MTUS2: variants seen among roughly 807,000 people sequenced by gnomAD.
MTUS2 encodes the protein microtubule associated scaffold protein 2, also known as microtubule-associated tumor suppressor candidate 2.
In MTUS2, 40 loss-of-function variants were observed where a neutral mutation model predicts 114.1. The observed-to-expected ratio is 0.35, with a 90% CI of 0.27 to 0.46. MTUS2 has a LOEUF of 0.46. Among genes scored for constraint, MTUS2 ranks in the 20% least tolerant of loss-of-function variants. The pLI is 1.00. For missense variants in MTUS2, 1,679 were observed against 1,705.4 expected (o/e 0.98, Z 0.27); for synonymous variants, 688 against 672.0 (o/e 1.02, Z -0.37).
intron 2 of MTUS2, among the ~76,000 whole-genome samples, chr13:28,919,871 A>G (rs762748094): frequency 5.9e-5 from 9 of 152,132 alleles, no homozygotes; most frequent in Admixed American, 4.6e-4. Context: ...GTACTCTTCA[A>G]TATGTCAATT....
At chr13:29,028,946 G>A (rs1201351771) in intron 3 of MTUS2, among the ~76,000 whole-genome samples, 3 of 152,108 alleles carry the variant, frequency 2.0e-5, no homozygotes, top group Admixed American at 6.5e-5. Flanking sequence ...CTCTAGCTTG[G>A]TTAGATATAT....
intron 5 of MTUS2, among the ~76,000 whole-genome samples, chr13:29,218,710 T>C (rs531835965): frequency 1.6e-4 from 25 of 152,326 alleles, no homozygotes; most frequent in African/African-American, 6.0e-4. Flanking sequence ...AGTGACCAGG[T>C]GCATTGTCAA....
intron 5 of MTUS2, among the ~76,000 whole-genome samples, chr13:29,229,968 C>T (rs948965587): frequency 8.5e-5 from 13 of 152,254 alleles, no homozygotes; most frequent in East Asian, 5.8e-4. Context: ...AGTATTGGGC[C>T]GGGCACAATG....
chr13:28,826,881 G>T (rs559389937), intron 1 of MTUS2, among the ~76,000 whole-genome samples: 4 of 152,330 alleles, frequency 2.6e-5, no homozygotes, highest in African/African-American at 9.6e-5. Flanking sequence ...GATTGCTACT[G>T]CAGAGTACTA....
intron 7 of MTUS2, among the ~76,000 whole-genome samples, chr13:29,342,831 C>A (rs375539668): frequency 6.6e-6 from 1 of 152,018 alleles, no homozygotes; most frequent in Non-Finnish European, 1.5e-5. Flanking sequence ...AAAGTATGTC[C>A]TTTCTGTGCT....
At chr13:29,063,665 T>C (rs899728211) in intron 4 of MTUS2, among the ~76,000 whole-genome samples, 3 of 152,156 alleles carry the variant, frequency 2.0e-5, no homozygotes, top group African/African-American at 7.2e-5. Context: ...TATTAAAAAA[T>C]CTTAAAGAGC....
At chr13:29,291,185 G>A (rs1898697516) in intron 6 of MTUS2, among the ~76,000 whole-genome samples, 1 of 152,090 alleles carries the variant, frequency 6.6e-6, no homozygotes, top group South Asian at 2.1e-4. Context: ...CCGCCTGGTA[G>A]AGGCAGCTCA....
chr13:28,830,556 GAA>G (rs1378847672), intron 1 of MTUS2, among the ~76,000 whole-genome samples: 2 of 151,988 alleles, frequency 1.3e-5, no homozygotes, highest in Non-Finnish European at 2.9e-5. Flanking sequence ...ACTAGCAGAA[GAA>G]AGAATCGGCA....
At chr13:29,094,247 T>C (rs1420068774) in intron 4 of MTUS2, among the ~76,000 whole-genome samples, 1 of 151,888 alleles carries the variant, frequency 6.6e-6, no homozygotes, top group African/African-American at 2.4e-5. Flanking sequence ...TTTTTTTGGG[T>C]GGGGGGTGTA....
chr13:29,471,038 TA>T (rs1037792299), intron 9 of MTUS2, among the ~76,000 whole-genome samples: 3 of 152,136 alleles, frequency 2.0e-5, no homozygotes, highest in Admixed American at 2.0e-4. Context: ...CTAAAATTTT[TA>T]CTATCTGAAA....
chr13:29,231,329 C>T (rs1045960995), intron 5 of MTUS2, among the ~76,000 whole-genome samples: 1 of 152,140 alleles, frequency 6.6e-6, no homozygotes, highest in Admixed American at 6.5e-5. Flanking sequence ...TTTTCCAACA[C>T]ACAAAACTAA....
At chr13:29,476,185 C>A (rs1181821567) in intron 9 of MTUS2, among the ~76,000 whole-genome samples, 6 of 152,190 alleles carry the variant, frequency 3.9e-5, no homozygotes, top group African/African-American at 1.4e-4. Context: ...GTAGGCTACA[C>A]CATATGGCCT....
intron 5 of MTUS2, among the ~76,000 whole-genome samples, chr13:29,193,414 T>G (rs1464336923): frequency 6.6e-6 from 1 of 151,970 alleles, no homozygotes; most frequent in African/African-American, 2.4e-5. Context: ...GGATACAAAA[T>G]CAATGTACAA....
At chr13:29,147,228 A>G (rs1892474612) in intron 5 of MTUS2, among the ~76,000 whole-genome samples, 1 of 152,154 alleles carries the variant, frequency 6.6e-6, no homozygotes, top group South Asian at 2.1e-4. Flanking sequence ...GAACCTCCCA[A>G]CACCCACACA....
intron 9 of MTUS2, among the ~76,000 whole-genome samples, chr13:29,447,253 A>G (rs1350217218): frequency 6.6e-6 from 1 of 152,182 alleles, no homozygotes; most frequent in Admixed American, 6.5e-5. Flanking sequence ...TTTAAAGAGT[A>G]TATGATGCAT....
At chr13:29,048,013 C>G (rs1051969891) in intron 4 of MTUS2, among the ~76,000 whole-genome samples, 2 of 152,032 alleles carry the variant, frequency 1.3e-5, no homozygotes, top group African/African-American at 2.4e-5. Context: ...GAATAATATT[C>G]TATTGTATGG....
At chr13:29,266,794 G>C in intron 5 of MTUS2, among the ~76,000 whole-genome samples, 1 of 152,174 alleles carries the variant, frequency 6.6e-6, no homozygotes. Flanking sequence ...TTTGCAGCCA[G>C]TAATTTATCT....
chr13:29,036,157 GAAAGAAAAAT>G (rs1566313144), intron 4 of MTUS2, among the ~76,000 whole-genome samples: 9 of 76,938 alleles, frequency 1.2e-4, no homozygotes, highest in African/African-American at 5.6e-4. Flanking sequence ...AAAAAAAAAA[GAAAGAAAAAT>G]AAAAGAAAAA....
intron 2 of MTUS2, among the ~76,000 whole-genome samples, chr13:28,936,592 C>G (rs934994357): frequency 3.3e-5 from 5 of 152,172 alleles, no homozygotes; most frequent in African/African-American, 1.2e-4. Context: ...CCTGCAGCTA[C>G]TCCTTCCTGG....
Sources: gnomAD v4.1 joint callset for allele counts (sites outside exome capture counted in the v4.1 genomes callset) on GRCh38, gnomAD v4.1.1 for gene constraint, MANE v1.5 for transcripts, NCBI Gene and HGNC (gene_info 2026-07-23, HGNC 2026-07-21) for gene names.